Variants in RORA observed in about 807,000 individuals in gnomAD.
RORA encodes the protein nuclear receptor ROR-alpha.
RORA carries 7 observed loss-of-function variants against 69.5 expected under a neutral mutation model. The observed-to-expected ratio is 0.10, with a 90% CI of 0.06 to 0.19. The LOEUF is 0.19. Ranked by LOEUF, RORA falls within the 10% of genes least tolerant of loss-of-function variation. The probability of loss-of-function intolerance (pLI) is 1.00; values close to 1 mark genes in which losing one functional copy is unlikely to be tolerated. For missense variants in RORA, 457 were observed against 663.0 expected (o/e 0.69, Z 3.41); for synonymous variants, 261 against 240.8 (o/e 1.08, Z -0.78).
chr15:60,581,135 C>T (rs1015264821), intron 2 of RORA, among the ~76,000 whole-genome samples: 9 of 152,188 alleles, frequency 5.9e-5, no homozygotes, highest in Non-Finnish European at 1.2e-4. Flanking sequence ...TGAAAACACT[C>T]GATCCATCTT....
At chr15:61,193,630 C>T (rs2079820876) in intron 1 of RORA, among the ~76,000 whole-genome samples, 1 of 152,116 alleles carries the variant, frequency 6.6e-6, no homozygotes, top group African/African-American at 2.4e-5. Flanking sequence ...CATTTGAACT[C>T]AAAAGAGCTA....
At chr15:61,166,991 A>G (rs1004689787) in intron 1 of RORA, among the ~76,000 whole-genome samples, 8 of 152,226 alleles carry the variant, frequency 5.3e-5, no homozygotes, top group Admixed American at 4.6e-4. Flanking sequence ...CTGGAATTAC[A>G]GTAGACAATG....
intron 1 of RORA, among the ~76,000 whole-genome samples, chr15:61,207,714 C>T (rs2079955112): frequency 2.0e-5 from 3 of 152,190 alleles, no homozygotes; most frequent in Admixed American, 6.5e-5. Flanking sequence ...ATTCTGATGA[C>T]TTCCAGAGAA....
At chr15:60,654,982 G>C (rs2070198319) in intron 2 of RORA, among the ~76,000 whole-genome samples, 1 of 151,988 alleles carries the variant, frequency 6.6e-6, no homozygotes. Flanking sequence ...CCGAGTTTGT[G>C]GTATTTTGTT....
intron 1 of RORA, among the ~76,000 whole-genome samples, chr15:60,885,698 G>A (rs1430956311): frequency 1.3e-5 from 2 of 152,220 alleles, no homozygotes; most frequent in Non-Finnish European, 2.9e-5. Flanking sequence ...ACGGAATGCA[G>A]TACAATGCAA....
intron 1 of RORA, among the ~76,000 whole-genome samples, chr15:60,834,192 A>T (rs560360591): frequency 6.6e-6 from 1 of 152,356 alleles, no homozygotes; most frequent in African/African-American, 2.4e-5. Context: ...AATGCAAAGA[A>T]GGCACAAAAT....
At chr15:60,515,859 C>G (rs1374820050) in intron 3 of RORA, among the ~76,000 whole-genome samples, 1 of 137,152 alleles carries the variant, frequency 7.3e-6, no homozygotes, top group Admixed American at 8.5e-5. Context: ...TGCACACCAC[C>G]ATGCCTGGCT....
chr15:60,598,580 T>A (rs2068748101), intron 2 of RORA: 1 of 152,238 alleles, frequency 6.6e-6, no homozygotes, highest in Non-Finnish European at 1.5e-5. Context: ...TACTTTATTG[T>A]AAGAATACAA....
chr15:60,615,217 A>G (rs570511430), intron 2 of RORA, among the ~76,000 whole-genome samples: 1 of 152,276 alleles, frequency 6.6e-6, no homozygotes, highest in East Asian at 1.9e-4. Context: ...ATCCTGTAAT[A>G]GCCCATGCTG....
At chr15:60,878,170 C>CAAAAAAAAAAAAAA (rs11362081) in intron 1 of RORA, among the ~76,000 whole-genome samples, 2 of 69,672 alleles carry the variant, frequency 2.9e-5, no homozygotes, top group Non-Finnish European at 5.8e-5. Context: ...ACTAAAAATA[C>CAAAAAAAAAAAAAA]AAAAAAAAAA....
intron 2 of RORA, among the ~76,000 whole-genome samples, chr15:60,604,155 G>C (rs1417547488): frequency 1.5e-5 from 2 of 129,444 alleles, no homozygotes; most frequent in African/African-American, 2.8e-5. Flanking sequence ...AAAAAAAAAA[G>C]CACGAACATT....
At chr15:60,762,027 AAACCCAGGTGTCTAAAACAT>A (rs1318376411) in intron 1 of RORA, among the ~76,000 whole-genome samples, 1 of 152,214 alleles carries the variant, frequency 6.6e-6, no homozygotes, top group Non-Finnish European at 1.5e-5. Flanking sequence ...TTATCTTTAA[AAACCCAGGTGTCTAAAACAT>A]AAGGGGAAAA....
rs544130912 is a variant in RORA at position 61,081,303 on chromosome 15, A to G, written c.166+147750T>C. On this transcript the variant is annotated intron_variant, in intron 1 of 10. Transcript: ENST00000335670. Reference sequence around the variant, plus strand: ...GTCTGTTCCTTATTGCCTTAAAAATAAGAGTACTCTTAACCTTTAGGGATT... The same window carrying G: ...GTCTGTTCCTTATTGCCTTAAAAATGAGAGTACTCTTAACCTTTAGGGATT... Among the ~76,000 whole-genome samples the G allele has an allele frequency of 3.3e-5, 5 of 152,318 alleles. No individual in the cohort carries two copies. In the East Asian group the frequency reaches 9.6e-4, roughly 29 times the overall value.
At chr15:60,901,379 C>T (rs908686934) in intron 1 of RORA, among the ~76,000 whole-genome samples, 7 of 152,276 alleles carry the variant, frequency 4.6e-5, no homozygotes, top group Admixed American at 6.5e-5. Flanking sequence ...GCCATGCTGG[C>T]CAGGCCAGTC....
Position 61,032,626 on chromosome 15 carries a change from A to G in RORA, c.166+196427T>C, listed in dbSNP as rs74687025. Among the ~76,000 whole-genome samples the G allele has an allele frequency of 5.2e-3, 796 of 152,316 alleles. 54 individuals carry two copies. In the East Asian group the frequency reaches 0.13, roughly 25 times the overall value. On this transcript the variant is annotated intron_variant, in intron 1 of 10. Coordinates refer to ENST00000335670, the MANE Select transcript of RORA (RefSeq NM_134261.3). ...ACATTTTACATTCACAACTAAAGTC[A>G]TTTTGAAAACAATGAAAAGAGGCCA...
chr15:60,837,559 C>T lies in RORA; in HGVS notation c.167-158873G>A, dbSNP rs185940907. On this transcript the variant is annotated intron_variant, in intron 1 of 10. Coordinates refer to ENST00000335670, the MANE Select transcript of RORA (RefSeq NM_134261.3). ...AAAACACAAAGCAAGAAAATCGCCA[C>T]CTCCTGCCCTGCCTTCCATGGGGAG... is the stretch of plus-strand genomic sequence containing the variant. Among the ~76,000 whole-genome samples the T allele has an allele frequency of 3.9e-5, 6 of 152,358 alleles. No homozygotes were observed. In the East Asian group the frequency reaches 9.6e-4, roughly 24 times the overall value.
chr15:60,802,438 G>T (rs2072598042), intron 1 of RORA, among the ~76,000 whole-genome samples: 1 of 152,186 alleles, frequency 6.6e-6, no homozygotes, highest in South Asian at 2.1e-4. Flanking sequence ...CTCTGTCTGG[G>T]TGGGAATTCT....
At chr15:60,941,010 T>G (rs1285014354) in intron 1 of RORA, among the ~76,000 whole-genome samples, 1 of 152,188 alleles carries the variant, frequency 6.6e-6, no homozygotes, top group Non-Finnish European at 1.5e-5. Context: ...GGCCATGATT[T>G]TTCTCCTATG....
At chr15:60,581,055 G>A (rs1009663087) in intron 2 of RORA, among the ~76,000 whole-genome samples, 10 of 152,186 alleles carry the variant, frequency 6.6e-5, no homozygotes, top group Non-Finnish European at 1.5e-4. Flanking sequence ...TCTTCAGATG[G>A]CTGGTAACCA....
Sources: allele counts gnomAD v4.1 joint callset (sites outside exome capture counted in the v4.1 genomes callset), GRCh38; gene constraint gnomAD v4.1.1; transcripts MANE v1.5; gene names NCBI Gene and HGNC (gene_info 2026-07-23, HGNC 2026-07-21).